The following TRPM4 variants were observed in gnomAD, a reference collection of about 807,000 sequenced individuals.
TRPM4 encodes calcium-activated non-selective cation channel 1.
In TRPM4, 124 loss-of-function variants were observed where a neutral mutation model predicts 135.6. The observed-to-expected ratio is 0.91, with a 90% CI of 0.79 to 1.06. TRPM4 has a LOEUF of 1.06. Among genes scored for constraint, TRPM4 ranks in the 50% least tolerant of loss-of-function variants. TRPM4 has a pLI of 0.00. For missense variants in TRPM4, 1,658 were observed against 1,671.4 expected (o/e 0.99, Z 0.14); for synonymous variants, 745 against 705.6 (o/e 1.06, Z -0.88).
At chr19:49,181,280 C>A in intron 9 of TRPM4, 69 bp from the exon 10 acceptor site, 1 of 1,216,968 alleles carries the variant, frequency 8.2e-7, no homozygotes, top group Non-Finnish European at 1.2e-6. Flanking sequence ...AAAATAGAGG[C>A]AAAATAGACA....
intron 9 of TRPM4, among the ~76,000 whole-genome samples, chr19:49,180,735 G>A (rs548505075): frequency 1.7e-4 from 26 of 150,880 alleles, no homozygotes; most frequent in Non-Finnish European, 3.1e-4. Flanking sequence ...CCCTTTAATC[G>A]CCCATCCATC....
chr19:49,178,860 G>A (rs903037617), intron 9 of TRPM4, among the ~76,000 whole-genome samples: 2 of 151,790 alleles, frequency 1.3e-5, no homozygotes, highest in Non-Finnish European at 2.9e-5. Flanking sequence ...CCAGGTTCAT[G>A]CCATCCTCCT....
chr19:49,176,448 G>T (rs1052151007), intron 9 of TRPM4, among the ~76,000 whole-genome samples: 2 of 152,030 alleles, frequency 1.3e-5, no homozygotes, highest in Admixed American at 6.6e-5. Flanking sequence ...TGAACTCTTG[G>T]GCTGAAGAGA....
intron 19 of TRPM4, among the ~76,000 whole-genome samples, 190 bp downstream of exon 19, chr19:49,200,975 GTCTT>G (rs1327480235): frequency 2.7e-5 from 4 of 148,500 alleles, no homozygotes; most frequent in African/African-American, 1.0e-4. Flanking sequence ...CACCCCCTCT[GTCTT>G]TCTGTCTGTC....
rs776066828 is a variant in TRPM4 at position 49,158,215 on chromosome 19, G to C, written c.48G>C (p.Lys16Asn). The C allele has an allele frequency of 1.4e-5, 23 of 1,613,766 alleles. No individual in the cohort carries two copies. Among genetic ancestry groups the C allele is most frequent in the Non-Finnish European group, 1.9e-5 (22 of 1,179,968 alleles). Residue 16 changes from lysine to asparagine, a missense_variant, in exon 2 of 25, where the codon AAG (lysine) becomes AAC (asparagine). By Grantham distance (94) the Lys-to-Asn change is moderately conservative. Transcript: ENST00000252826. ...KEQSWIPKIFKKKTCTTFIVD... is the reference protein window; with the variant it reads ...KEQSWIPKIFNKKTCTTFIVD... The stretch of plus-strand genomic sequence containing the variant: ...AGAGCTGGATCCCCAAGATCTTCAA[G>C]AAGAAGACCTGCACGACGTTCATAG...
At chr19:49,181,848 C>T (rs973378708) in intron 10 of TRPM4, among the ~76,000 whole-genome samples, 21 of 152,040 alleles carry the variant, frequency 1.4e-4, no homozygotes, top group East Asian at 5.8e-4. Flanking sequence ...CCTTCTTAGA[C>T]GCCCCTCAAC....
At chr19:49,175,274 C>A (rs1967640967) in intron 9 of TRPM4, among the ~76,000 whole-genome samples, 3 of 151,898 alleles carry the variant, frequency 2.0e-5, no homozygotes, top group Non-Finnish European at 4.4e-5. Context: ...GGGGTTTCTC[C>A]ATATTGGTCA....
rs1175810 is a variant in TRPM4, at chr19:49,201,992, G to A, written c.2982G>A (p.Ser994=). ...CCCTCATGGAGCACAGCAACTGCTCGTCGGAGCCCGGCTTCTGGGCACACC... is the reference window on the plus strand; with the variant it reads ...CCCTCATGGAGCACAGCAACTGCTCATCGGAGCCCGGCTTCTGGGCACACC... ...DVALMEHSNC[S]SEPGFWAHPP... The change falls in exon 20 of 25, where the codon TCG becomes TCA. Residue 994 remains serine (S), a synonymous_variant. Coordinates refer to ENST00000252826, the MANE Select transcript of TRPM4 (RefSeq NM_017636.4). 8,607 of 1,613,742 alleles carry A rather than the reference G, an allele frequency of 5.3e-3. 405 individuals are homozygous for A. The African/African-American group carries it at 0.096, about 18-fold the overall frequency.
At chr19:49,164,952 C>A (rs1490961019) in intron 2 of TRPM4, among the ~76,000 whole-genome samples, 1 of 150,868 alleles carries the variant, frequency 6.6e-6, no homozygotes, top group Non-Finnish European at 1.5e-5. Context: ...CTATATTGCA[C>A]AGCTGGTCTC....
At chr19:49,196,937 C>T in intron 17 of TRPM4, 63 bp downstream of exon 17, 1 of 1,471,692 alleles carries the variant, frequency 6.8e-7, no homozygotes. Flanking sequence ...CTGCCCACTC[C>T]CGGGGTCTCC....
At position 49,210,562 on chromosome 19, in the gene TRPM4, C is replaced by A; in HGVS notation, c.3329-148C>A. The A allele has an allele frequency of 7.0e-7, 1 of 1,422,276 alleles. No homozygotes were observed. The allele number at this position is 1,422,276 out of a possible 1,614,324, so 88.1% of individuals were successfully genotyped here. A position where few individuals can be genotyped will look rare whatever the true frequency, so the allele number is the denominator to read the frequency against. On this transcript the variant is annotated intron_variant, in intron 21 of 24. Coordinates refer to ENST00000252826, the MANE Select transcript of TRPM4 (RefSeq NM_017636.4). This position sits in a 1 kb window ranked among gnomAD's most constrained non-coding sequence, Gnocchi z 4.1. ...GGGGCGGAGCTTAAGCACTGAGGGG[C>A]AGTGCTTACGGGTGAGGGGCGGGGC...
chr19:49,196,490 G>A lies in TRPM4; in HGVS notation c.2261G>A (p.Gly754Asp). ...CCGCTGGGGGTCCCGCGCCAGTCGG[G>A]CCGTCCGGGTTGCTGCGGGGGCCGC... Reference protein sequence around the residue: ...KTPLGVPRQSGRPGCCGGRCG... With the variant: ...KTPLGVPRQSDRPGCCGGRCG... The change falls in exon 17 of 25, where the codon GGC becomes GAC. Residue 754 changes from glycine (G) to aspartate (D), a missense_variant. Gly to Asp is a moderately conservative substitution (Grantham distance 94). This residue lies in a region of TRPM4 where 1,412 missense variants were observed against 1,408.7 expected (regional missense o/e 1.00). Transcript: ENST00000252826. 6.4e-7 allele frequency: 1 copy of A among 1,555,468 alleles called. No homozygotes were observed.
chr19:49,182,635 G>C lies in TRPM4; in HGVS notation c.1321G>C (p.Val441Leu). The change falls in exon 11 of 25, where the codon GTG becomes CTG. Residue 441 changes from valine (V) to leucine (L), a missense_variant. By Grantham distance (32) the Val-to-Leu change is conservative. This residue lies in a region of TRPM4 where 1,412 missense variants were observed against 1,408.7 expected (regional missense o/e 1.00). Transcript: ENST00000252826. ...CCTGCTGAATGACCGGCCTGAGTTCGTGCGCTTGCTCATTTCCCACGGCCT... is the reference window on the plus strand; with the variant it reads ...CCTGCTGAATGACCGGCCTGAGTTCCTGCGCTTGCTCATTTCCCACGGCCT... ...DALLNDRPEF[V>L]RLLISHGLSL... The C allele has an allele frequency of 6.2e-7, 1 of 1,614,118 alleles. No individual in the cohort carries two copies. The highest frequency in any genetic ancestry group is 1.3e-5 in the African/African-American group (1 of 75,052).
intron 17 of TRPM4, among the ~76,000 whole-genome samples, chr19:49,197,328 C>G (rs990394797): frequency 8.4e-6 from 1 of 118,900 alleles, no homozygotes; most frequent in East Asian, 2.2e-4. Flanking sequence ...TTCTTTCTTT[C>G]TTTCTTTCTT....
At chr19:49,163,494 T>C (rs559859597) in intron 2 of TRPM4, among the ~76,000 whole-genome samples, 116 of 152,056 alleles carry the variant, frequency 7.6e-4, no homozygotes, top group African/African-American at 2.7e-3. Context: ...ATGCCCGGCC[T>C]TATTTCTTAT....
chr19:49,189,017 T>TG lies in TRPM4; in HGVS notation c.1951dup (p.Asp651GlyfsTer12). On this transcript the variant is annotated frameshift_variant, in exon 14 of 25. Coordinates refer to ENST00000252826, the MANE Select transcript of TRPM4 (RefSeq NM_017636.4). LOFTEE classifies it high-confidence loss of function. ...CCTCCTCCTCCGTCGCTGCCCGCTCTGGGGGGATGCCACTTGCCTCCAGCT... is the reference window on the plus strand; with the variant it reads ...CCTCCTCCTCCGTCGCTGCCCGCTCTGGGGGGGATGCCACTTGCCTCCAGCT... 6.2e-7 allele frequency: 1 copy of TG among 1,614,180 alleles called. No homozygotes were observed. Among genetic ancestry groups the TG allele is most frequent in the South Asian group, 1.1e-5 (1 of 91,088 alleles).
Position 49,171,906 on chromosome 19 carries a change from A to C in TRPM4, c.1051-103A>C. On this transcript the variant is annotated intron_variant, in intron 8 of 24. Transcript: ENST00000252826. This position sits in a 1 kb window ranked among gnomAD's most constrained non-coding sequence, Gnocchi z 4.7. The stretch of plus-strand genomic sequence containing the variant: ...GAAGAGGGTGCTGGGCATATAGACT[A>C]TTAGGTCCTGGAGGGGAATGGCCTC... The C allele has an allele frequency of 7.3e-7, 1 of 1,363,794 alleles. No homozygotes were observed. The highest frequency in any genetic ancestry group is 1.0e-6 in the Non-Finnish European group (1 of 956,654). The allele number at this position is 1,363,794 out of a possible 1,614,324, so 84.5% of individuals were successfully genotyped here.
intron 17 of TRPM4, 143 bp downstream of exon 17, chr19:49,197,017 A>G: frequency 1.2e-6 from 1 of 814,528 alleles, no homozygotes; most frequent in Non-Finnish European, 1.9e-6. Flanking sequence ...CTCTTAGGAA[A>G]GTCGGGCATG....
At chr19:49,204,420 G>C (rs996244637) in intron 20 of TRPM4, among the ~76,000 whole-genome samples, 1 of 152,010 alleles carries the variant, frequency 6.6e-6, no homozygotes, top group Non-Finnish European at 1.5e-5. Flanking sequence ...GCCAACACTT[G>C]TTATTTTCCT....
Sources: gnomAD v4.1 joint callset for allele counts (sites outside exome capture counted in the v4.1 genomes callset) on GRCh38, gnomAD v4.1.1 for gene constraint, gnomAD v4.1.1 regional missense constraint, Gnocchi (gnomAD v3.1) non-coding constraint, MANE v1.5 for transcripts, NCBI Gene and HGNC (gene_info 2026-07-23, HGNC 2026-07-21) for gene names.